TBC1D4: variants seen among roughly 807,000 people sequenced by gnomAD.
TBC1D4 encodes TBC1 domain family member 4, also known as TBC (Tre-2, BUB2, CDC16) domain-containing protein.
Under a neutral mutation model 142.5 loss-of-function variants are expected in TBC1D4, and 121 were observed. The ratio of observed to expected loss-of-function variants is 0.85; its 90% CI spans 0.73 to 0.99. The LOEUF is 0.99. Ranked by LOEUF, TBC1D4 falls within the 50% of genes least tolerant of loss-of-function variation. The pLI, the probability that TBC1D4 is intolerant of heterozygous loss-of-function variation, is 0.00. For missense variants in TBC1D4, 1,475 were observed against 1,606.6 expected (o/e 0.92, Z 1.40); for synonymous variants, 630 against 628.2 (o/e 1.00, Z -0.04).
intron 1 of TBC1D4, among the ~76,000 whole-genome samples, chr13:75,387,812 G>A (rs985079389): frequency 6.6e-6 from 1 of 152,154 alleles, no homozygotes. Flanking sequence ...TGTAAAAGAG[G>A]CTAGTTCAGC....
chr13:75,347,505 T>C (rs1038553395), intron 5 of TBC1D4, among the ~76,000 whole-genome samples: 3 of 152,236 alleles, frequency 2.0e-5, no homozygotes, highest in Non-Finnish European at 4.4e-5. Context: ...CTGATTGTTC[T>C]TGCATTTCTG....
At chr13:75,451,735 T>C (rs1887541668) in intron 1 of TBC1D4, among the ~76,000 whole-genome samples, 1 of 149,264 alleles carries the variant, frequency 6.7e-6, no homozygotes, top group African/African-American at 2.4e-5. Flanking sequence ...TATATTATAA[T>C]TTATATAGTT....
intron 1 of TBC1D4, among the ~76,000 whole-genome samples, chr13:75,471,205 T>C (rs1566514372): frequency 6.6e-6 from 1 of 152,108 alleles, no homozygotes; most frequent in Non-Finnish European, 1.5e-5. Flanking sequence ...AGAAACGTGA[T>C]ATGCCAATTA....
Position 75,327,068 on chromosome 13 carries a change from T to G in TBC1D4, c.1807-645A>C, listed in dbSNP as rs1879329408. Among the ~76,000 whole-genome samples the G allele has an allele frequency of 7.9e-5, 12 of 152,312 alleles. No individual in the cohort carries two copies. The South Asian group carries it at 2.5e-3, about 32-fold the overall frequency. ...GAATGAAAACCGAGCTATGCTGGAATGCATCTCATATTGCATGGGTAGAAA... is the reference window on the plus strand; with the variant it reads ...GAATGAAAACCGAGCTATGCTGGAAGGCATCTCATATTGCATGGGTAGAAA... On this transcript the variant is annotated intron_variant, in intron 9 of 20. Transcript: ENST00000377636.
chr13:75,316,016 T>C (rs1341621318), intron 12 of TBC1D4, among the ~76,000 whole-genome samples: 1 of 152,214 alleles, frequency 6.6e-6, no homozygotes, highest in Admixed American at 6.5e-5. Flanking sequence ...ACTATGTCAA[T>C]GCTCCACAGG....
At chr13:75,287,381 T>C (rs1874798288) in intron 20 of TBC1D4, among the ~76,000 whole-genome samples, 1 of 152,166 alleles carries the variant, frequency 6.6e-6, no homozygotes, top group African/African-American at 2.4e-5. Flanking sequence ...AAAAGAGATT[T>C]TCCTTCTCTG....
intron 1 of TBC1D4, among the ~76,000 whole-genome samples, chr13:75,382,045 G>T (rs905680628): frequency 2.0e-5 from 3 of 152,138 alleles, no homozygotes; most frequent in African/African-American, 7.2e-5. Context: ...ATCTTTTTAG[G>T]ATGGGGAATC....
intron 5 of TBC1D4, among the ~76,000 whole-genome samples, chr13:75,342,966 T>C (rs1880833376): frequency 6.6e-6 from 1 of 152,174 alleles, no homozygotes; most frequent in African/African-American, 2.4e-5. Flanking sequence ...TGACATAATT[T>C]GAATGTTTTC....
intron 1 of TBC1D4, among the ~76,000 whole-genome samples, chr13:75,460,311 T>G (rs1017790888): frequency 5.3e-5 from 8 of 151,962 alleles, no homozygotes; most frequent in African/African-American, 1.9e-4. Flanking sequence ...AATAAAGCCA[T>G]AAACAGGGAA....
intron 1 of TBC1D4, among the ~76,000 whole-genome samples, chr13:75,385,023 T>C (rs1370911066): frequency 2.6e-5 from 4 of 152,198 alleles, no homozygotes. Flanking sequence ...GATAATAAGA[T>C]GTCCTCAGAG....
rs750145883 is a variant in TBC1D4 at position 75,327,798 on chromosome 13, C to A, written c.1760G>T (p.Gly587Val). Residue 587 changes from glycine to valine, a missense_variant, in exon 9 of 21, where the codon GGA (glycine) becomes GTA (valine). Around this residue, in one of 2 missense-constraint regions of TBC1D4, gnomAD observed 1,227 missense variants for 1,267.7 expected, o/e 0.97. Coordinates refer to ENST00000377636, the MANE Select transcript of TBC1D4 (RefSeq NM_014832.5). ...RGANRMRGRL[G>V]SVDSFERSNS... is the part of the protein sequence containing the mutation. ...GGACCGTTCAAAACTGTCCACACTT[C>A]CAAGCCGACCTCTCATTCTGTTAGC... The A allele has an allele frequency of 1.2e-6, 2 of 1,613,980 alleles. No homozygotes were observed. Among genetic ancestry groups the A allele is most frequent in the Non-Finnish European group, 1.7e-6 (2 of 1,179,888 alleles).
At chr13:75,336,151 C>G (rs1880177749) in intron 8 of TBC1D4, among the ~76,000 whole-genome samples, 1 of 152,142 alleles carries the variant, frequency 6.6e-6, no homozygotes, top group African/African-American at 2.4e-5. Flanking sequence ...GTAATCCCAG[C>G]ACTTTGGGAG....
At chr13:75,294,777 G>A in intron 18 of TBC1D4, 77 bp downstream of exon 18, 1 of 1,470,278 alleles carries the variant, frequency 6.8e-7, no homozygotes, top group Non-Finnish European at 9.5e-7. Context: ...AACAATAGGG[G>A]CATCATATGG....
At chr13:75,333,569 A>C (rs1278628157) in intron 8 of TBC1D4, among the ~76,000 whole-genome samples, 2 of 152,224 alleles carry the variant, frequency 1.3e-5, no homozygotes, top group African/African-American at 4.8e-5. Context: ...GTAAGTTACC[A>C]ATATAAAGCT....
At chr13:75,468,064 C>A (rs1159981557) in intron 1 of TBC1D4, among the ~76,000 whole-genome samples, 2 of 152,120 alleles carry the variant, frequency 1.3e-5, no homozygotes, top group African/African-American at 4.8e-5. Context: ...TAGCCCTGCC[C>A]TGCCGATTTG....
rs948302311 is a variant in TBC1D4 at position 75,284,963 on chromosome 13, G to A, written c.*1829C>T. On this transcript the variant is annotated 3_prime_UTR_variant, in exon 21 of 21. Coordinates refer to ENST00000377636, the MANE Select transcript of TBC1D4 (RefSeq NM_014832.5). ...CCCAACAGATTCCTTGGCTACCATC[G>A]GTGCATCACACCCATAAAGTAATTG... The A allele has an allele frequency of 2.0e-4, 30 of 151,876 alleles. No individual in the cohort carries two copies. The highest frequency in any genetic ancestry group is 5.8e-4 in the African/African-American group (24 of 41,320). 9.4% of individuals were successfully genotyped at this position (151,876 alleles called of 1,614,324 possible).
chr13:75,334,687 G>A (rs1346878303), intron 8 of TBC1D4, among the ~76,000 whole-genome samples: 1 of 152,012 alleles, frequency 6.6e-6, no homozygotes, highest in African/African-American at 2.4e-5. Context: ...GGGTTCCAGT[G>A]ATTCTCGTGC....
chr13:75,345,282 T>C (rs1881055482), intron 5 of TBC1D4, among the ~76,000 whole-genome samples: 4 of 152,228 alleles, frequency 2.6e-5, no homozygotes, highest in Admixed American at 2.6e-4. Flanking sequence ...GCCTCGCACA[T>C]GGAGAGGCCT....
intron 8 of TBC1D4, among the ~76,000 whole-genome samples, chr13:75,328,726 A>T (rs1275505164): frequency 6.6e-6 from 1 of 152,142 alleles, no homozygotes; most frequent in African/African-American, 2.4e-5. Flanking sequence ...ACCCTGCGAA[A>T]TTTTTTAACA....
Sources: allele counts gnomAD v4.1 joint callset (sites outside exome capture counted in the v4.1 genomes callset), GRCh38; gene constraint gnomAD v4.1.1; regional missense constraint gnomAD v4.1.1; transcripts MANE v1.5; gene names NCBI Gene and HGNC (gene_info 2026-07-23, HGNC 2026-07-21).